TMEM117: variants seen among roughly 807,000 people sequenced by gnomAD.
TMEM117 encodes transmembrane protein 117.
A neutral mutation model predicts 52.4 loss-of-function variants in TMEM117; 27 were observed. The ratio of observed to expected loss-of-function variants is 0.51; its 90% CI spans 0.38 to 0.71. TMEM117 has a LOEUF of 0.71. Among genes scored for constraint, TMEM117 ranks in the 30% least tolerant of loss-of-function variants. The pLI is 0.00. For missense variants in TMEM117, 556 were observed against 630.5 expected (o/e 0.88, Z 1.26); for synonymous variants, 215 against 206.3 (o/e 1.04, Z -0.36).
intron 6 of TMEM117, among the ~76,000 whole-genome samples, chr12:44,372,679 A>G (rs1161640099): frequency 6.6e-6 from 1 of 152,180 alleles, no homozygotes; most frequent in Non-Finnish European, 1.5e-5. Context: ...GCCTTCAGTG[A>G]TTCTCAATTA....
At chr12:43,831,918 C>A (rs1243500372), upstream of TMEM117, among the ~76,000 whole-genome samples, 2 of 152,104 alleles carry the variant, frequency 1.3e-5, no homozygotes, top group Non-Finnish European at 2.9e-5. Context: ...ACATTTTAAG[C>A]CTATTTGCAG....
intron 5 of TMEM117, among the ~76,000 whole-genome samples, chr12:44,267,558 G>C (rs1950394197): frequency 6.6e-6 from 1 of 152,024 alleles, no homozygotes; most frequent in Non-Finnish European, 1.5e-5. Flanking sequence ...TACTTTGTTA[G>C]CAAAATTGTA....
chr12:44,067,976 A>G (rs1947247085), intron 3 of TMEM117, among the ~76,000 whole-genome samples: 1 of 152,218 alleles, frequency 6.6e-6, no homozygotes, highest in Non-Finnish European at 1.5e-5. Context: ...TCTTCTGGAT[A>G]GCTTACTGCA....
intron 3 of TMEM117, among the ~76,000 whole-genome samples, chr12:44,066,587 A>G (rs1947224807): frequency 6.6e-6 from 1 of 152,234 alleles, no homozygotes; most frequent in Non-Finnish European, 1.5e-5. Flanking sequence ...TATGTACACT[A>G]TACTGTAGTC....
intron 3 of TMEM117, among the ~76,000 whole-genome samples, chr12:44,127,602 G>A (rs146102052): frequency 0.011 from 1,741 of 152,108 alleles, 22 homozygotes; most frequent in South Asian, 0.051. Context: ...CTTAAACATG[G>A]GAGGCTGAGG....
At chr12:44,149,510 A>G (rs1220528849) in intron 4 of TMEM117, among the ~76,000 whole-genome samples, 1 of 152,190 alleles carries the variant, frequency 6.6e-6, no homozygotes, top group Non-Finnish European at 1.5e-5. Context: ...CATACAACCT[A>G]AAATGTGGTG....
At chr12:44,003,426 C>G (rs547734478) in intron 3 of TMEM117, among the ~76,000 whole-genome samples, 10 of 152,300 alleles carry the variant, frequency 6.6e-5, no homozygotes, top group African/African-American at 1.9e-4. Context: ...CAACCTCAGG[C>G]CTCACAAATG....
intron 2 of TMEM117, among the ~76,000 whole-genome samples, chr12:43,886,439 G>C (rs1943995999): frequency 6.6e-6 from 1 of 152,146 alleles, no homozygotes; most frequent in East Asian, 1.9e-4. Flanking sequence ...TTTTATAAAA[G>C]ATATTTCAGT....
At chr12:43,810,791 T>G in the TMEM117 span, among the ~76,000 whole-genome samples, 1 of 152,132 alleles carries the variant, frequency 6.6e-6, no homozygotes, top group Non-Finnish European at 1.5e-5. Context: ...GATTAACCCT[T>G]TCACTAAGCG....
the TMEM117 span, among the ~76,000 whole-genome samples, chr12:43,798,353 C>G: frequency 6.6e-6 from 1 of 151,974 alleles, no homozygotes; most frequent in African/African-American, 2.4e-5. Flanking sequence ...ACATGGTGTG[C>G]ATGTACTGGA....
intron 3 of TMEM117, among the ~76,000 whole-genome samples, 182 bp downstream of exon 3, chr12:43,944,524 A>G (rs544093292): frequency 1.3e-5 from 2 of 152,218 alleles, no homozygotes; most frequent in African/African-American, 4.8e-5. Flanking sequence ...CAGGAAGCAT[A>G]TAGTACATTA....
At chr12:43,805,716 A>T in the TMEM117 span, 1 of 1,041,198 alleles carries the variant, frequency 9.6e-7, no homozygotes, top group South Asian at 1.3e-5. Context: ...TGGAGAGAAA[A>T]TGCGGGAGAG....
intron 3 of TMEM117, among the ~76,000 whole-genome samples, chr12:44,041,669 A>C (rs1453141554): frequency 6.6e-6 from 1 of 152,164 alleles, no homozygotes; most frequent in East Asian, 1.9e-4. Flanking sequence ...ACACAGTGAA[A>C]AAAGAAAACT....
chr12:43,813,301 T>C, the TMEM117 span, among the ~76,000 whole-genome samples: 1 of 131,746 alleles, frequency 7.6e-6, no homozygotes, highest in Non-Finnish European at 1.6e-5. Flanking sequence ...TGGAGTACAA[T>C]GGCACAATCT....
In TMEM117 at chr12:43,944,199, T is replaced by C. The variant is rs753597806; in HGVS notation, c.278-11T>C. On this transcript the variant is annotated splice_polypyrimidine_tract_variant and intron_variant, in intron 2 of 7. Transcript: ENST00000266534. ...AGTGTACATTAATTTTTAATAATAT[T>C]TGTATTTCAGGTCAGTTGCTCCGAT... 6.2e-7 allele frequency: 1 copy of C among 1,603,184 alleles called. No individual in the cohort carries two copies. Among genetic ancestry groups the C allele is most frequent in the East Asian group, 2.2e-5 (1 of 44,720 alleles).
intron 3 of TMEM117, among the ~76,000 whole-genome samples, chr12:44,005,255 A>G (rs1946176170): frequency 6.6e-6 from 1 of 152,244 alleles, no homozygotes; most frequent in African/African-American, 2.4e-5. Flanking sequence ...GTGATTTGGT[A>G]ACAAAGTTTT....
chr12:44,288,642 T>TA (rs1950664789), intron 5 of TMEM117, among the ~76,000 whole-genome samples: 4 of 152,144 alleles, frequency 2.6e-5, no homozygotes, highest in Admixed American at 2.6e-4. Flanking sequence ...TATCAAATTA[T>TA]AAAAAAGTTT....
chr12:44,020,407 G>A (rs1330179563), intron 3 of TMEM117, among the ~76,000 whole-genome samples: 1 of 152,160 alleles, frequency 6.6e-6, no homozygotes, highest in Non-Finnish European at 1.5e-5. Context: ...TTATAAAGTG[G>A]TAGCATGGCA....
chr12:43,919,554 T>G (rs1944659142), intron 2 of TMEM117, among the ~76,000 whole-genome samples: 1 of 152,224 alleles, frequency 6.6e-6, no homozygotes, highest in African/African-American at 2.4e-5. Context: ...TTTCTCTGTC[T>G]ATGGACATTT....
Sources: gnomAD v4.1 joint callset for allele counts (sites outside exome capture counted in the v4.1 genomes callset) on GRCh38, gnomAD v4.1.1 for gene constraint, MANE v1.5 for transcripts, NCBI Gene and HGNC (gene_info 2026-07-23, HGNC 2026-07-21) for gene names.